GPC3: variants seen among roughly 807,000 people sequenced by gnomAD.
GPC3 encodes glypican 3.
Under a neutral mutation model 34.4 loss-of-function variants are expected in GPC3, and 3 were observed. The observed-to-expected ratio is 0.09, with a 90% confidence interval of 0.04 to 0.23. GPC3 has a LOEUF of 0.23. Ranked by LOEUF, GPC3 falls within the 10% of genes least tolerant of loss-of-function variation. The pLI is 1.00. For missense variants in GPC3, 351 were observed against 445.6 expected (o/e 0.79, Z 1.91); for synonymous variants, 177 against 174.0 (o/e 1.02, Z -0.13).
chrX:133,763,497 A>T, intron 2 of GPC3: 1 of 548,149 alleles, frequency 1.8e-6, no homozygotes, highest in East Asian at 3.3e-5. Flanking sequence ...GGACTGCTCC[A>T]GCTCCTGAGT....
chrX:133,901,474 C>T (rs758124710), intron 2 of GPC3, among the ~76,000 whole-genome samples: 4 of 110,955 alleles, frequency 3.6e-5, no homozygotes, highest in South Asian at 3.9e-4. Flanking sequence ...CAGAATCTCG[C>T]TCTGACACCA....
intron 5 of GPC3, among the ~76,000 whole-genome samples, chrX:133,686,768 AACACACACACACACACACAC>A (rs762283767): frequency 1.0e-5 from 1 of 98,026 alleles, no homozygotes; most frequent in African/African-American, 3.7e-5. Flanking sequence ...ATTTTACCTC[AACACACACACACACACACAC>A]ACACACACAC....
At chrX:133,886,336 C>T (rs1458730065) in intron 2 of GPC3, among the ~76,000 whole-genome samples, 1 of 104,871 alleles carries the variant, frequency 9.5e-6, no homozygotes, top group African/African-American at 3.5e-5. Flanking sequence ...TAGTGAGACT[C>T]CTGTCCCTAT....
intron 1 of GPC3, among the ~76,000 whole-genome samples, chrX:133,954,969 G>T (rs771748753): frequency 9.1e-6 from 1 of 109,713 alleles, no homozygotes; most frequent in Non-Finnish European, 1.9e-5. Flanking sequence ...GGCTGGTCTC[G>T]AACTCCTGCC....
At chrX:133,962,007 G>A (rs931068470) in intron 1 of GPC3, among the ~76,000 whole-genome samples, 1 of 112,007 alleles carries the variant, frequency 8.9e-6, no homozygotes, top group Non-Finnish European at 1.9e-5. Flanking sequence ...AAGGGCACAG[G>A]GGTGTGAAAG....
At chrX:133,873,667 A>G (rs1315807241) in intron 2 of GPC3, among the ~76,000 whole-genome samples, 1 of 111,406 alleles carries the variant, frequency 9.0e-6, no homozygotes, top group African/African-American at 3.3e-5. Context: ...AAGGGATGCA[A>G]TCAGTTTGCC....
chrX:133,674,895 C>G (rs766591998), intron 5 of GPC3, among the ~76,000 whole-genome samples: 3 of 111,963 alleles, frequency 2.7e-5, no homozygotes, highest in Non-Finnish European at 5.6e-5. Flanking sequence ...AACAAACATC[C>G]ATTCTTTAAT....
At chrX:133,624,274 C>T (rs1259910657) in intron 6 of GPC3, among the ~76,000 whole-genome samples, 1 of 111,393 alleles carries the variant, frequency 9.0e-6, no homozygotes, top group Non-Finnish European at 1.9e-5. Context: ...CAAACACATT[C>T]AAAAGCTAGC....
intron 3 of GPC3, among the ~76,000 whole-genome samples, chrX:133,741,025 T>C (rs1236321850): frequency 1.8e-5 from 2 of 110,643 alleles, no homozygotes; most frequent in African/African-American, 6.6e-5. Flanking sequence ...TGTGGGGCCC[T>C]GATCTAATAG....
At chrX:133,880,791 T>C (rs964313145) in intron 2 of GPC3, among the ~76,000 whole-genome samples, 1 of 111,614 alleles carries the variant, frequency 9.0e-6, no homozygotes, top group African/African-American at 3.3e-5. Flanking sequence ...TGAAATGAAG[T>C]TATTTAAAAT....
intron 7 of GPC3, among the ~76,000 whole-genome samples, chrX:133,579,336 G>A (rs1241443372): frequency 8.9e-6 from 1 of 111,893 alleles, no homozygotes; most frequent in Non-Finnish European, 1.9e-5. Context: ...AACTACACTA[G>A]GAACTTCTAT....
At chrX:133,756,763 T>C (rs1307338241) in intron 2 of GPC3, among the ~76,000 whole-genome samples, 1 of 112,612 alleles carries the variant, frequency 8.9e-6, no homozygotes, top group African/African-American at 3.2e-5. Context: ...AACCTCAAGC[T>C]CATATGTGCT....
At chrX:133,712,047 G>C (rs2071273928) in intron 3 of GPC3, among the ~76,000 whole-genome samples, 1 of 111,959 alleles carries the variant, frequency 8.9e-6, no homozygotes, top group East Asian at 2.8e-4. Context: ...CTTATTGGAC[G>C]TATTATACAA....
At chrX:133,701,331 T>C (rs959521918) in intron 3 of GPC3, among the ~76,000 whole-genome samples, 8 of 111,854 alleles carry the variant, frequency 7.2e-5, no homozygotes, top group Non-Finnish European at 1.5e-4. Context: ...GATGAGGAAA[T>C]TGAGGCTTAG....
chrX:133,833,047 T>C (rs1165993154), intron 2 of GPC3, among the ~76,000 whole-genome samples: 2 of 112,490 alleles, frequency 1.8e-5, no homozygotes, highest in South Asian at 3.7e-4. Context: ...GAAAAATTAA[T>C]TGGGTGGTGC....
At chrX:133,667,351 C>A (rs2070777998) in intron 5 of GPC3, among the ~76,000 whole-genome samples, 1 of 111,769 alleles carries the variant, frequency 8.9e-6, no homozygotes, top group South Asian at 3.8e-4. Context: ...AAAAAGTGGG[C>A]CTGACTCAGA....
intron 2 of GPC3, among the ~76,000 whole-genome samples, chrX:133,863,912 C>T (rs914518324): frequency 1.8e-5 from 2 of 109,367 alleles, no homozygotes; most frequent in African/African-American, 6.7e-5. Context: ...GCCTCGGCCT[C>T]CCAAAGTGCT....
chrX:133,629,459 G>A (rs764982983), intron 6 of GPC3, among the ~76,000 whole-genome samples: 14 of 111,068 alleles, frequency 1.3e-4, no homozygotes, highest in Non-Finnish European at 1.7e-4. Flanking sequence ...GCAGTGGCAC[G>A]ATCTCAGCTC....
At chrX:133,876,453 T>C (rs2076017591) in intron 2 of GPC3, among the ~76,000 whole-genome samples, 1 of 112,048 alleles carries the variant, frequency 8.9e-6, no homozygotes, top group African/African-American at 3.2e-5. Flanking sequence ...TAAAGTGTTA[T>C]CTTGGCTTTC....
Sources: allele counts gnomAD v4.1 joint callset (sites outside exome capture counted in the v4.1 genomes callset), GRCh38; gene constraint gnomAD v4.1.1; transcripts MANE v1.5; gene names NCBI Gene and HGNC (gene_info 2026-07-23, HGNC 2026-07-21).